Variants in SCIN observed in about 807,000 individuals in gnomAD.
SCIN encodes the protein scinderin, also known as adseverin.
In SCIN, 91 loss-of-function variants were observed where a neutral mutation model predicts 91.8. The observed-to-expected ratio is 0.99, with a 90% confidence interval of 0.84 to 1.18. SCIN has a LOEUF of 1.18. Ranked by LOEUF, SCIN falls within the 50% of genes most tolerant of loss-of-function variation. SCIN has a pLI of 0.00. For synonymous variants in SCIN, 367 were observed against 312.6 expected (o/e 1.17, Z -1.84); for missense variants, 1,087 against 863.9 (o/e 1.26, Z -3.24).
chr7:12,595,783 C>T (rs930556389), intron 3 of SCIN: 1 of 152,136 alleles, frequency 6.6e-6, no homozygotes, highest in African/African-American at 2.4e-5. Context: ...TCCTTCCCTC[C>T]AGGATACCAT....
chr7:12,585,504 T>C (rs1392240669), intron 3 of SCIN, among the ~76,000 whole-genome samples: 1 of 152,202 alleles, frequency 6.6e-6, no homozygotes, highest in African/African-American at 2.4e-5. Flanking sequence ...AACTCAGACC[T>C]CTTGCCTGAG....
chr7:12,580,464 C>T (rs1170193336), intron 2 of SCIN, among the ~76,000 whole-genome samples: 1 of 152,070 alleles, frequency 6.6e-6, no homozygotes. Context: ...ACACTCAGGC[C>T]TAGCATATTT....
At chr7:12,592,942 C>T (rs992332386) in intron 3 of SCIN, among the ~76,000 whole-genome samples, 11 of 152,282 alleles carry the variant, frequency 7.2e-5, no homozygotes, top group Admixed American at 1.3e-4. Context: ...AGCCGGGGCC[C>T]AGGGGCCCTG....
At position 12,652,617 on chromosome 7, in the gene SCIN, G is replaced by T; in HGVS notation, c.2050G>T (p.Gly684Ter). Reference protein sequence around the residue: ...AKMYLETDPSGRDKRTPIVII... With the variant: ...AKMYLETDPS ...AATGTACCTTGAGACAGACCCTTCT[G>T]GAAGAGACAAGAGGACACCAATTGT... The change falls in exon 16 of 16, where the codon GGA becomes TGA. Residue 684 changes from glycine (G) to a stop codon, truncating the protein, a stop_gained. Transcript: ENST00000297029. LOFTEE classifies it high-confidence loss of function. The T allele has an allele frequency of 6.2e-7, 1 of 1,612,870 alleles. No homozygotes were observed. The highest frequency in any genetic ancestry group is 8.5e-7 in the Non-Finnish European group (1 of 1,179,466).
chr7:12,574,804 T>C (rs1782337383), intron 1 of SCIN, among the ~76,000 whole-genome samples: 1 of 152,104 alleles, frequency 6.6e-6, no homozygotes, highest in South Asian at 2.1e-4. Flanking sequence ...TTTGTCAAGA[T>C]TATTTTAGCT....
At chr7:12,581,014 A>T in intron 2 of SCIN, 46 bp from the exon 3 acceptor site, 2 of 1,534,774 alleles carry the variant, frequency 1.3e-6, no homozygotes, top group Non-Finnish European at 8.8e-7. Flanking sequence ...ACACCTCATC[A>T]GTTTTCTCTT....
chr7:12,617,065 A>T (rs1434443723), intron 4 of SCIN, among the ~76,000 whole-genome samples: 1 of 152,160 alleles, frequency 6.6e-6, no homozygotes, highest in Non-Finnish European at 1.5e-5. Flanking sequence ...ATAAAGTGTA[A>T]GTCCATGAGG....
chr7:12,652,363 C>T (rs10225719), intron 15 of SCIN, among the ~76,000 whole-genome samples: 74,452 of 151,946 alleles, frequency 0.49, 18,510 homozygotes, highest in African/African-American at 0.57. Flanking sequence ...TCATGGCAGA[C>T]GAGAGAAATC....
At chr7:12,600,893 C>T (rs966147488) in intron 3 of SCIN, among the ~76,000 whole-genome samples, 1 of 152,186 alleles carries the variant, frequency 6.6e-6, no homozygotes, top group African/African-American at 2.4e-5. Flanking sequence ...TGACTTATCA[C>T]TGGGAGCCCT....
intron 3 of SCIN, among the ~76,000 whole-genome samples, chr7:12,591,292 T>C (rs1463109916): frequency 6.6e-6 from 1 of 152,156 alleles, no homozygotes; most frequent in East Asian, 1.9e-4. Context: ...GGGAGCTTAC[T>C]GCTTGGGAGG....
intron 13 of SCIN, among the ~76,000 whole-genome samples, chr7:12,645,335 A>T (rs1362267964): frequency 5.3e-5 from 8 of 152,134 alleles, no homozygotes; most frequent in Non-Finnish European, 8.8e-5. Context: ...CTCAAAAAAA[A>T]CACAAAAAAC....
intron 9 of SCIN, among the ~76,000 whole-genome samples, chr7:12,632,124 A>G (rs1783657309): frequency 7.0e-6 from 1 of 142,016 alleles, no homozygotes; most frequent in Non-Finnish European, 1.5e-5. Context: ...ATTTTATTTT[A>G]TTTTATTTTA....
In SCIN at chr7:12,644,572, T is replaced by A; in HGVS notation, c.1760-12T>A. On this transcript the variant is annotated splice_polypyrimidine_tract_variant and intron_variant, in intron 12 of 15. Transcript: ENST00000297029. ...TGAAAATGCACTGGATAACTGAGTG[T>A]GTTTTCCACAGAGGAGTTCTGGAAT... is the stretch of plus-strand genomic sequence containing the variant. 6.2e-7 allele frequency: 1 copy of A among 1,612,568 alleles called. No individual in the cohort carries two copies.
chr7:12,572,881 A>G (rs1312566349), intron 1 of SCIN, among the ~76,000 whole-genome samples: 1 of 152,218 alleles, frequency 6.6e-6, no homozygotes, highest in African/African-American at 2.4e-5. Context: ...AATTAATGAA[A>G]CTTCTCTAAA....
chr7:12,624,358 A>G (rs1210849394), intron 5 of SCIN, among the ~76,000 whole-genome samples: 1 of 152,238 alleles, frequency 6.6e-6, no homozygotes, highest in Admixed American at 6.5e-5. Context: ...TTGTAAGACC[A>G]CTTAAAAATT....
chr7:12,574,593 C>T (rs1203203256), intron 1 of SCIN, among the ~76,000 whole-genome samples: 3 of 152,156 alleles, frequency 2.0e-5, no homozygotes, highest in African/African-American at 7.2e-5. Context: ...TGCCAATATC[C>T]TGGTTGTGGT....
intron 1 of SCIN, among the ~76,000 whole-genome samples, chr7:12,573,168 G>A (rs1466432016): frequency 1.3e-5 from 2 of 152,152 alleles, no homozygotes; most frequent in Admixed American, 6.5e-5. Flanking sequence ...ATCCAAAATA[G>A]TGTAGTCTAA....
rs1033516949 is a variant in SCIN at position 12,653,535 on chromosome 7, T to G, written c.*820T>G. 6.6e-6 allele frequency: 1 copy of G among 152,266 alleles called. No homozygotes were observed. The highest frequency in any genetic ancestry group is 2.4e-5 in the African/African-American group (1 of 41,474). 9.4% of individuals were successfully genotyped at this position (152,266 alleles called of 1,614,324 possible). On this transcript the variant is annotated 3_prime_UTR_variant, in exon 16 of 16. Transcript: ENST00000297029. This position sits in a 1 kb window ranked among gnomAD's most constrained non-coding sequence, Gnocchi z 4.1. Reference sequence around the variant, plus strand: ...TCAATATGACTTTGATGTCATTAACTGCTAAGTGTTATTTTCTAAGAGGAA... The same window carrying G: ...TCAATATGACTTTGATGTCATTAACGGCTAAGTGTTATTTTCTAAGAGGAA...
intron 9 of SCIN, 126 bp downstream of exon 9, chr7:12,629,348 A>G (rs1583310608): frequency 2.3e-6 from 2 of 861,146 alleles, no homozygotes; most frequent in East Asian, 5.7e-5. Context: ...TATAGCATGC[A>G]TATAGTATTT....
Sources: gnomAD v4.1 joint callset for allele counts (sites outside exome capture counted in the v4.1 genomes callset) on GRCh38, gnomAD v4.1.1 for gene constraint, Gnocchi (gnomAD v3.1) non-coding constraint, MANE v1.5 for transcripts, NCBI Gene and HGNC (gene_info 2026-07-23, HGNC 2026-07-21) for gene names.